The following KIRREL3 variants were observed in gnomAD, a reference collection of about 807,000 sequenced individuals.
The protein encoded by KIRREL3 is kin of IRRE-like protein 3.
Under a neutral mutation model 89.7 loss-of-function variants are expected in KIRREL3, and 36 were observed. The ratio of observed to expected loss-of-function variants is 0.40; its 90% CI spans 0.31 to 0.53. The LOEUF is 0.53. KIRREL3 is among the 20% of genes least tolerant of loss of function. KIRREL3 has a pLI of 0.49. For missense variants in KIRREL3, 864 were observed against 1,056.6 expected, an observed-to-expected ratio of 0.82 and a Z score of 2.53; for synonymous variants, 445 against 441.4, an observed-to-expected ratio of 1.01 and a Z score of -0.10.
chr11:126,816,447 G>A (rs2134439906), intron 1 of KIRREL3, among the ~76,000 whole-genome samples: 1 of 152,296 alleles, frequency 6.6e-6, no homozygotes, highest in East Asian at 1.9e-4. Context: ...TGGGCTGATG[G>A]CAGGTTTGAT....
rs987515594 is a variant in KIRREL3, at chr11:126,430,423, C to T, written c.1696+996G>A. On this transcript the variant is annotated intron_variant, in intron 14 of 16. Coordinates refer to ENST00000525144, the MANE Select transcript of KIRREL3 (RefSeq NM_032531.4). This position sits in a 1 kb window ranked among gnomAD's most constrained non-coding sequence, Gnocchi z 6.6. Reference sequence around the variant, plus strand: ...TCGTGTCACTGCACTTCAGCCTGGCCAAAAGAGAGAGACCCTATATAAAAA... The same window carrying T: ...TCGTGTCACTGCACTTCAGCCTGGCTAAAAGAGAGAGACCCTATATAAAAA... Among the ~76,000 whole-genome samples the T allele has an allele frequency of 3.3e-5, 5 of 151,868 alleles. No individual in the cohort carries two copies. The highest frequency in any genetic ancestry group is 1.2e-4 in the African/African-American group (5 of 41,306).
rs538470718 is a variant in KIRREL3, at chr11:126,943,375, C to A, written c.55+57080G>T. Among the ~76,000 whole-genome samples the A allele has an allele frequency of 6.6e-6, 1 of 152,312 alleles. No individual in the cohort carries two copies. The highest frequency in any genetic ancestry group is 2.4e-5 in the African/African-American group (1 of 41,568). ...GGAACTAATCACAGCATTTCTCTAC[C>A]CTCCTCGGAACAATCTGATACCATT... On this transcript the variant is annotated intron_variant, in intron 1 of 16. Coordinates refer to ENST00000525144, the MANE Select transcript of KIRREL3 (RefSeq NM_032531.4). This position sits in a 1 kb window ranked among gnomAD's most constrained non-coding sequence, Gnocchi z 4.2.
rs1958841712 is a variant in KIRREL3 at position 126,528,647 on chromosome 11, CCT to C, written c.134-1962_134-1961del. ...GCTATGTATGGTAGGTTTTTTTTTT[CCT>C]CTCTGTCTCTTCAAGTTCTCTGTTG... On this transcript the variant is annotated intron_variant, in intron 2 of 16. Transcript: ENST00000525144. The surrounding 1 kb of genome is among the most constrained non-coding windows in gnomAD (Gnocchi z 4.6). Among the ~76,000 whole-genome samples the C allele has an allele frequency of 2.7e-5, 4 of 149,714 alleles. No homozygotes were observed. Among genetic ancestry groups the C allele is most frequent in the Middle Eastern group, 3.4e-3 (1 of 292 alleles).
intron 1 of KIRREL3, among the ~76,000 whole-genome samples, chr11:126,911,428 C>T (rs1946809034): frequency 6.6e-6 from 1 of 152,198 alleles, no homozygotes; most frequent in African/African-American, 2.4e-5. Flanking sequence ...AATGTGTACT[C>T]TGCTGCAGAG....
chr11:126,815,248 T>C (rs1198560058), intron 1 of KIRREL3, among the ~76,000 whole-genome samples: 2 of 152,144 alleles, frequency 1.3e-5, no homozygotes, highest in Admixed American at 6.5e-5. Flanking sequence ...GAGTTAAGGA[T>C]GGGGGCATCA....
intron 11 of KIRREL3, among the ~76,000 whole-genome samples, chr11:126,439,145 A>T (rs1323098764): frequency 6.6e-6 from 1 of 152,324 alleles, no homozygotes; most frequent in South Asian, 2.1e-4. Context: ...AGCTTGGCCA[A>T]CATGGTGAAA....
Position 126,607,102 on chromosome 11 carries a change from G to T in KIRREL3, c.56-44190C>A, listed in dbSNP as rs575594071. ...CCAAGAACCAACCACAGGGCTTGTC[G>T]TGGGGCTTATGAGTAGCTAGGGCCT... On this transcript the variant is annotated intron_variant, in intron 1 of 16. Transcript: ENST00000525144. This position sits in a 1 kb window ranked among gnomAD's most constrained non-coding sequence, Gnocchi z 6.6. Among the ~76,000 whole-genome samples, 1 of 152,192 alleles carries T rather than the reference G, an allele frequency of 6.6e-6. No homozygotes were observed. Among genetic ancestry groups the T allele is most frequent in the East Asian group, 1.9e-4 (1 of 5,196 alleles).
intron 1 of KIRREL3, among the ~76,000 whole-genome samples, chr11:126,827,366 T>G (rs542675889): frequency 1.1e-3 from 165 of 152,146 alleles, no homozygotes; most frequent in African/African-American, 3.7e-3. Context: ...TTAGTAGAGA[T>G]GGGGTTTCAC....
Position 126,571,468 on chromosome 11 carries a change from A to G in KIRREL3, c.56-8556T>C, listed in dbSNP as rs1036602961. Among the ~76,000 whole-genome samples, 15 of 152,174 alleles carry G rather than the reference A, an allele frequency of 9.9e-5. No individual in the cohort carries two copies. The highest frequency in any genetic ancestry group is 1.8e-4 in the Non-Finnish European group (12 of 68,036). The stretch of plus-strand genomic sequence containing the variant: ...TGGCCAGCATCACCAAGTGTCTGCC[A>G]CCTGGGACCAGGCTCATGTAGTTCA... On this transcript the variant is annotated intron_variant, in intron 1 of 16. Transcript: ENST00000525144. This position sits in a 1 kb window ranked among gnomAD's most constrained non-coding sequence, Gnocchi z 7.7.
chr11:126,923,588 C>T lies in KIRREL3; in HGVS notation c.55+76867G>A, dbSNP rs188946692. Among the ~76,000 whole-genome samples, 47 of 151,802 alleles carry T rather than the reference C, an allele frequency of 3.1e-4. 1 individual carries two copies. In the East Asian group the frequency reaches 5.7e-3, roughly 18 times the overall value. On this transcript the variant is annotated intron_variant, in intron 1 of 16. Coordinates refer to ENST00000525144, the MANE Select transcript of KIRREL3 (RefSeq NM_032531.4). Reference sequence around the variant, plus strand: ...CCTCCCTAGCAGCTGGGATTACAGGCACCTGCCACCACGCTCAGCTAATTT... The same window carrying T: ...CCTCCCTAGCAGCTGGGATTACAGGTACCTGCCACCACGCTCAGCTAATTT...
intron 1 of KIRREL3, among the ~76,000 whole-genome samples, chr11:126,583,794 G>T (rs1032294077): frequency 6.6e-6 from 1 of 152,110 alleles, no homozygotes; most frequent in African/African-American, 2.4e-5. Flanking sequence ...CACGACCCTC[G>T]CCCGGGGAAA....
At chr11:126,445,161 C>A (rs3802820) in intron 9 of KIRREL3, 56 bp from the exon 10 acceptor site, 189,125 of 1,596,378 alleles carry the variant, frequency 0.12, 12,488 homozygotes, top group East Asian at 0.29. Context: ...GCACTCTTGT[C>A]TCTGGGAACA....
chr11:126,580,903 T>A (rs1941512310), intron 1 of KIRREL3, among the ~76,000 whole-genome samples: 1 of 150,446 alleles, frequency 6.6e-6, no homozygotes, highest in African/African-American at 2.4e-5. Context: ...AATGGCATCA[T>A]CCCCTTTCAG....
In KIRREL3 at chr11:126,825,865, G is replaced by A. The variant is rs140381307; in HGVS notation, c.55+174590C>T. Among the ~76,000 whole-genome samples the A allele has an allele frequency of 4.2e-3, 633 of 152,314 alleles. 1 individual carries two copies. Among genetic ancestry groups the A allele is most frequent in the African/African-American group, 0.014 (589 of 41,574 alleles). On this transcript the variant is annotated intron_variant, in intron 1 of 16. Transcript: ENST00000525144. Reference sequence around the variant, plus strand: ...TTGCCCAAGGTCACACAAGGCCGCCGAGTTGATACGTTAATCAGGTTGTCC... The same window carrying A: ...TTGCCCAAGGTCACACAAGGCCGCCAAGTTGATACGTTAATCAGGTTGTCC...
chr11:126,690,361 GGTTT>G (rs1335336323), intron 1 of KIRREL3, among the ~76,000 whole-genome samples: 1 of 144,440 alleles, frequency 6.9e-6, no homozygotes, highest in Non-Finnish European at 1.5e-5. Context: ...TCTAAGCAGG[GGTTT>G]TTTTTTTTTT....
rs1040982114 is a variant in KIRREL3 at position 126,696,044 on chromosome 11, A to T, written c.56-133132T>A. Among the ~76,000 whole-genome samples the T allele has an allele frequency of 5.5e-4, 84 of 152,094 alleles. No homozygotes were observed. The highest frequency in any genetic ancestry group is 1.8e-3 in the African/African-American group (76 of 41,498). On this transcript the variant is annotated intron_variant, in intron 1 of 16. Coordinates refer to ENST00000525144, the MANE Select transcript of KIRREL3 (RefSeq NM_032531.4). The surrounding 1 kb of genome is among the most constrained non-coding windows in gnomAD (Gnocchi z 4.4). ...TGAGGCGGGTGGATTACCTGAGGTC[A>T]GGAGTTCAAGACCAGCCTGACCAAC...
rs1940838652 is a variant in KIRREL3 at position 126,570,424 on chromosome 11, A to G, written c.56-7512T>C. Among the ~76,000 whole-genome samples the G allele has an allele frequency of 6.6e-6, 1 of 152,226 alleles. No individual in the cohort carries two copies. The highest frequency in any genetic ancestry group is 1.5e-5 in the Non-Finnish European group (1 of 68,044). Reference sequence around the variant, plus strand: ...GGTCTTAAATTACGTTTTTGAAATAATGAGTTCTATAACATTTCATGTCAA... The same window carrying G: ...GGTCTTAAATTACGTTTTTGAAATAGTGAGTTCTATAACATTTCATGTCAA... On this transcript the variant is annotated intron_variant, in intron 1 of 16. Transcript: ENST00000525144. This position sits in a 1 kb window ranked among gnomAD's most constrained non-coding sequence, Gnocchi z 6.1.
At chr11:126,804,308 G>C (rs1210096651) in intron 1 of KIRREL3, among the ~76,000 whole-genome samples, 1 of 152,182 alleles carries the variant, frequency 6.6e-6, no homozygotes, top group Admixed American at 6.5e-5. Flanking sequence ...GTCTGAAGAT[G>C]ACCTTTTCCT....
rs895377611 is a variant in KIRREL3, at chr11:126,708,632, C to T, written c.56-145720G>A. ...GCTCAACGTCCAGGAGAGGCACCGG[C>T]GAACTCGAGAGCCAAGAGCGGCACT... On this transcript the variant is annotated intron_variant, in intron 1 of 16. Coordinates refer to ENST00000525144, the MANE Select transcript of KIRREL3 (RefSeq NM_032531.4). This position sits in a 1 kb window ranked among gnomAD's most constrained non-coding sequence, Gnocchi z 5.7. Among the ~76,000 whole-genome samples, 9 of 152,142 alleles carry T rather than the reference C, an allele frequency of 5.9e-5. No homozygotes were observed. Among genetic ancestry groups the T allele is most frequent in the African/African-American group, 1.7e-4 (7 of 41,428 alleles).
Sources: gnomAD v4.1 joint callset for allele counts (sites outside exome capture counted in the v4.1 genomes callset) on GRCh38, gnomAD v4.1.1 for gene constraint, Gnocchi (gnomAD v3.1) non-coding constraint, MANE v1.5 for transcripts, NCBI Gene and HGNC (gene_info 2026-07-23, HGNC 2026-07-21) for gene names.